Variants in UNCX observed in about 807,000 individuals in gnomAD.
The protein encoded by UNCX is UNC homeobox.
In UNCX, 4 loss-of-function variants were observed where a neutral mutation model predicts 14.8. That is an observed-to-expected ratio of 0.27 (90% CI 0.13 to 0.62). UNCX has a LOEUF of 0.62. UNCX is among the 20% of genes least tolerant of loss of function. The probability of loss-of-function intolerance (pLI) is 0.86; values close to 1 mark genes in which losing one functional copy is unlikely to be tolerated. For missense variants in UNCX, 749 were observed against 786.8 expected (o/e 0.95, Z 0.58); for synonymous variants, 459 against 395.8 (o/e 1.16, Z -1.90).
Position 1,233,444 on chromosome 7 carries a change from G to C in UNCX, c.275-76G>C, listed in dbSNP as rs922425939. On this transcript the variant is annotated intron_variant, in intron 1 of 2. Coordinates refer to ENST00000316333, the MANE Select transcript of UNCX (RefSeq NM_001080461.3). This position sits in a 1 kb window ranked among gnomAD's most constrained non-coding sequence, Gnocchi z 5.3. Reference sequence around the variant, plus strand: ...CCCCCCCCGGATCCAGGCGGCCAGCGGGTAGCGGGAGGGAGGGGTGGGGGT... The same window carrying C: ...CCCCCCCCGGATCCAGGCGGCCAGCCGGTAGCGGGAGGGAGGGGTGGGGGT... 2 of 1,353,320 alleles carry C rather than the reference G, an allele frequency of 1.5e-6. No homozygotes were observed. The highest frequency in any genetic ancestry group is 1.9e-6 in the Non-Finnish European group (2 of 1,051,526). The allele number at this position is 1,353,320 out of a possible 1,614,324, so 83.8% of individuals were successfully genotyped here. A position where few individuals can be genotyped will look rare whatever the true frequency, so the allele number is the denominator to read the frequency against.
At position 1,236,596 on chromosome 7, in the gene UNCX, G is replaced by A. The variant is rs1778747661; in HGVS notation, c.1215G>A (p.Ala405=). 2.1e-5 allele frequency: 24 copies of A among 1,151,526 alleles called. No individual in the cohort carries two copies. The highest frequency in any genetic ancestry group is 2.3e-5 in the Non-Finnish European group (22 of 940,632). 71.3% of individuals were successfully genotyped at this position (1,151,526 alleles called of 1,614,324 possible). ...ALKGGAGLEP[A]PKDAPPAPAV... ...AGGGCGGCGCGGGCCTGGAGCCGGC[G>A]CCCAAGGACGCGCCGCCCGCGCCCG... Residue 405 remains alanine, a synonymous_variant, in exon 3 of 3, where the codon GCG becomes GCA. Coordinates refer to ENST00000316333, the MANE Select transcript of UNCX (RefSeq NM_001080461.3). The surrounding 1 kb of genome is among the most constrained non-coding windows in gnomAD (Gnocchi z 6.9).
Position 1,233,097 on chromosome 7 carries a change from C to A in UNCX, c.80C>A (p.Pro27Gln). Residue 27 changes from proline to glutamine, a missense_variant, in exon 1 of 3, where the codon CCG becomes CAG. Pro to Gln is a moderately conservative substitution (Grantham distance 76). This residue lies in a region of UNCX where 155 missense variants were observed against 166.7 expected (regional missense o/e 0.93). Transcript: ENST00000316333. The surrounding 1 kb of genome is among the most constrained non-coding windows in gnomAD (Gnocchi z 5.3). ...GGCGGCGTGGTGGGCTTCCCCTACC[C>A]GCTGGGCCACCACCACGTGTACGAG... ...SLGGVVGFPYPLGHHHVYELA... is the reference protein window; with the variant it reads ...SLGGVVGFPYQLGHHHVYELA... 1 of 1,458,202 alleles carries A rather than the reference C, an allele frequency of 6.9e-7. No individual in the cohort carries two copies. The highest frequency in any genetic ancestry group is 9.0e-7 in the Non-Finnish European group (1 of 1,107,734). The allele number at this position is 1,458,202 out of a possible 1,614,324, so 90.3% of individuals were successfully genotyped here. A position where few individuals can be genotyped will look rare whatever the true frequency, so the allele number is the denominator to read the frequency against.
Position 1,236,834 on chromosome 7 carries a change from G to GCGCCCCCGC in UNCX, c.1459_1467dup (p.Pro487_Pro489dup). ...CGCGGACGCGGGGACCGCCGGCCCC[G>GCGCCCCCGC]CGCCCCCGCCGCCCGCGCCGTCGCC... On this transcript the variant is annotated inframe_insertion, in exon 3 of 3. Coordinates refer to ENST00000316333, the MANE Select transcript of UNCX (RefSeq NM_001080461.3). The surrounding 1 kb of genome is among the most constrained non-coding windows in gnomAD (Gnocchi z 6.9). The GCGCCCCCGC allele has an allele frequency of 1.0e-6, 1 of 988,676 alleles. No homozygotes were observed. The highest frequency in any genetic ancestry group is 1.2e-6 in the Non-Finnish European group (1 of 834,358). The allele number at this position is 988,676 out of a possible 1,614,324, so 61.2% of individuals were successfully genotyped here. A position where few individuals can be genotyped will look rare whatever the true frequency, so the allele number is the denominator to read the frequency against.
chr7:1,236,866 C>G lies in UNCX; in HGVS notation c.1485C>G (p.Pro495=), dbSNP rs1374528361. Residue 495 remains proline (P), a synonymous_variant, in exon 3 of 3, where the codon CCC becomes CCG. Coordinates refer to ENST00000316333, the MANE Select transcript of UNCX (RefSeq NM_001080461.3). The surrounding 1 kb of genome is among the most constrained non-coding windows in gnomAD (Gnocchi z 6.9). The part of the protein sequence containing the change: ...APPPPAPSPR[P]GPRPPSPAEE... ...CGCCGCCCGCGCCGTCGCCCAGGCC[C>G]GGCCCTCGGCCTCCCAGCCCCGCCG... 1 of 1,048,582 alleles carries G rather than the reference C, an allele frequency of 9.5e-7. No homozygotes were observed. The highest frequency in any genetic ancestry group is 1.1e-6 in the Non-Finnish European group (1 of 872,338). 65.0% of individuals were successfully genotyped at this position (1,048,582 alleles called of 1,614,324 possible).
chr7:1,236,416 G>A lies in UNCX; in HGVS notation c.1035G>A (p.Arg345=), dbSNP rs1347249784. ...ESLLSDSPPR[R]KAASNAAAAA... Reference sequence around the variant, plus strand: ...TCCTGTCCGACTCGCCGCCGCGCCGGAAAGCCGCTTCCAACGCCGCCGCCG... The same window carrying A: ...TCCTGTCCGACTCGCCGCCGCGCCGAAAAGCCGCTTCCAACGCCGCCGCCG... The change falls in exon 3 of 3, where the codon CGG becomes CGA. Residue 345 remains arginine, a synonymous_variant. Coordinates refer to ENST00000316333, the MANE Select transcript of UNCX (RefSeq NM_001080461.3). This position sits in a 1 kb window ranked among gnomAD's most constrained non-coding sequence, Gnocchi z 6.9. 2.9e-6 allele frequency: 4 copies of A among 1,369,732 alleles called. No individual in the cohort carries two copies. The highest frequency in any genetic ancestry group is 3.8e-6 in the Non-Finnish European group (4 of 1,059,148). The allele number at this position is 1,369,732 out of a possible 1,614,324, so 84.8% of individuals were successfully genotyped here.
At chr7:1,234,279 G>A (rs1778702113) in intron 2 of UNCX, among the ~76,000 whole-genome samples, 1 of 152,246 alleles carries the variant, frequency 6.6e-6, no homozygotes, top group African/African-American at 2.4e-5. Context: ...GAGAAAAAAA[G>A]GTGTCTGAAT....
At chr7:1,234,403 A>G (rs1280556870) in intron 2 of UNCX, among the ~76,000 whole-genome samples, 2 of 152,088 alleles carry the variant, frequency 1.3e-5, no homozygotes, top group African/African-American at 4.8e-5. Flanking sequence ...AGCTTGGTGG[A>G]TTAAAAATTC....
At position 1,233,417 on chromosome 7, in the gene UNCX, C is replaced by CCG. The variant is rs1396402118; in HGVS notation, c.275-102_275-101insGC. ...GGCTCCTAGGCGGCCGTCTCTGCGC[C>CCG]CCCCCCCCCGGATCCAGGCGGCCAG... On this transcript the variant is annotated intron_variant, in intron 1 of 2. Transcript: ENST00000316333. This position sits in a 1 kb window ranked among gnomAD's most constrained non-coding sequence, Gnocchi z 5.3. 68 of 1,301,248 alleles carry CCG rather than the reference C, an allele frequency of 5.2e-5. No homozygotes were observed. The highest frequency in any genetic ancestry group is 6.6e-5 in the Non-Finnish European group (67 of 1,019,952). 80.6% of individuals were successfully genotyped at this position (1,301,248 alleles called of 1,614,324 possible). A position where few individuals can be genotyped will look rare whatever the true frequency, so the allele number is the denominator to read the frequency against.
Position 1,236,050 on chromosome 7 carries a change from C to T in UNCX, c.669C>T (p.Gly223=). The change falls in exon 3 of 3, where the codon GGC becomes GGT. Residue 223 remains glycine, a synonymous_variant. Transcript: ENST00000316333. The surrounding 1 kb of genome is among the most constrained non-coding windows in gnomAD (Gnocchi z 6.9). ...AGGGCCGCCACTTGCACTCGCCCGG[C>T]GGCCTGTCCCTGCACAGCGCGCCCA... ...KSQGRHLHSP[G]GLSLHSAPSS... 6.2e-7 allele frequency: 1 copy of T among 1,600,978 alleles called. No homozygotes were observed. Among genetic ancestry groups the T allele is most frequent in the South Asian group, 1.1e-5 (1 of 89,662 alleles).
In UNCX at chr7:1,233,080, G is replaced by T. The variant is rs1312232008; in HGVS notation, c.63G>T (p.Val21=). The T allele has an allele frequency of 2.8e-6, 4 of 1,439,640 alleles. No homozygotes were observed. The highest frequency in any genetic ancestry group is 3.6e-6 in the Non-Finnish European group (4 of 1,096,208). The allele number at this position is 1,439,640 out of a possible 1,614,324, so 89.2% of individuals were successfully genotyped here. ...HAQFGGSLGG[V]VGFPYPLGHH... ...AGTTCGGGGGCTCGCTGGGCGGCGT[G>T]GTGGGCTTCCCCTACCCGCTGGGCC... The change falls in exon 1 of 3, where the codon GTG becomes GTT. Residue 21 remains valine, a synonymous_variant. Transcript: ENST00000316333. This position sits in a 1 kb window ranked among gnomAD's most constrained non-coding sequence, Gnocchi z 5.3.
Position 1,233,553 on chromosome 7 carries a change from G to T in UNCX, c.308G>T (p.Cys103Phe), listed in dbSNP as rs945899449. ...GACCCGGACAAGGAGAGCCCGGGCT[G>T]CAAGCGGCGGCGCACCCGCACCAAC... ...SGDPDKESPG[C>F]KRRRTRTNFT... The change falls in exon 2 of 3, where the codon TGC (cysteine) becomes TTC (phenylalanine). Residue 103 changes from cysteine to phenylalanine, a missense_variant. Physicochemically the swap from Cys to Phe is radical, Grantham distance 205. Coordinates refer to ENST00000316333, the MANE Select transcript of UNCX (RefSeq NM_001080461.3). This position sits in a 1 kb window ranked among gnomAD's most constrained non-coding sequence, Gnocchi z 5.3. 6.2e-7 allele frequency: 1 copy of T among 1,612,802 alleles called. No homozygotes were observed. The highest frequency in any genetic ancestry group is 8.5e-7 in the Non-Finnish European group (1 of 1,179,818).
chr7:1,236,902 C>A lies in UNCX; in HGVS notation c.1521C>A (p.Ala507=), dbSNP rs775253685. 7.8e-6 allele frequency: 9 copies of A among 1,159,490 alleles called. No individual in the cohort carries two copies. The highest frequency in any genetic ancestry group is 4.8e-5 in the Admixed American group (1 of 20,920). 71.8% of individuals were successfully genotyped at this position (1,159,490 alleles called of 1,614,324 possible). The change falls in exon 3 of 3, where the codon GCC becomes GCA. Residue 507 remains alanine (A), a synonymous_variant. Coordinates refer to ENST00000316333, the MANE Select transcript of UNCX (RefSeq NM_001080461.3). This position sits in a 1 kb window ranked among gnomAD's most constrained non-coding sequence, Gnocchi z 6.9. ...PRPPSPAEEP[A]TCGVPEPGAA... ...CTCCCAGCCCCGCCGAGGAGCCGGC[C>A]ACCTGCGGGGTTCCCGAGCCTGGCG... is the stretch of plus-strand genomic sequence containing the variant.
chr7:1,235,280 C>A (rs939610737), intron 2 of UNCX, among the ~76,000 whole-genome samples: 2 of 152,254 alleles, frequency 1.3e-5, no homozygotes, highest in African/African-American at 2.4e-5. Flanking sequence ...GCTCCCCAGG[C>A]CCTTCCGGAC....
At position 1,233,734 on chromosome 7, in the gene UNCX, C is replaced by T. The variant is rs762470717; in HGVS notation, c.450+39C>T. 2 of 1,565,324 alleles carry T rather than the reference C, an allele frequency of 1.3e-6. No individual in the cohort carries two copies. The highest frequency in any genetic ancestry group is 1.7e-6 in the Non-Finnish European group (2 of 1,151,480). On this transcript the variant is annotated intron_variant, in intron 2 of 2. Transcript: ENST00000316333. This position sits in a 1 kb window ranked among gnomAD's most constrained non-coding sequence, Gnocchi z 5.3. ...GTCGCTCCCGGATCTGCCATCCGGA[C>T]CCCAGGCTCTGGGCGCGCCGGGACG...
At position 1,233,116 on chromosome 7, in the gene UNCX, G is replaced by A. The variant is rs1237851754; in HGVS notation, c.99G>A (p.Val33=). Reference sequence around the variant, plus strand: ...CCTACCCGCTGGGCCACCACCACGTGTACGAGCTGGCCGGGCACCAGCTGC... The same window carrying A: ...CCTACCCGCTGGGCCACCACCACGTATACGAGCTGGCCGGGCACCAGCTGC... ...GFPYPLGHHH[V]YELAGHQLQS... The change falls in exon 1 of 3, where the codon GTG becomes GTA. Residue 33 remains valine (V), a synonymous_variant. Coordinates refer to ENST00000316333, the MANE Select transcript of UNCX (RefSeq NM_001080461.3). The surrounding 1 kb of genome is among the most constrained non-coding windows in gnomAD (Gnocchi z 5.3). The A allele has an allele frequency of 1.4e-6, 2 of 1,464,952 alleles. No individual in the cohort carries two copies. The highest frequency in any genetic ancestry group is 1.8e-6 in the Non-Finnish European group (2 of 1,112,040). 90.7% of individuals were successfully genotyped at this position (1,464,952 alleles called of 1,614,324 possible).
chr7:1,234,286 G>C (rs758599413), intron 2 of UNCX, among the ~76,000 whole-genome samples: 1 of 152,236 alleles, frequency 6.6e-6, no homozygotes, highest in Non-Finnish European at 1.5e-5. Context: ...AAAGGTGTCT[G>C]AATTTTTAAT....
At position 1,233,703 on chromosome 7, in the gene UNCX, C is replaced by T. The variant is rs750863357; in HGVS notation, c.450+8C>T. On this transcript the variant is annotated splice_region_variant and intron_variant, in intron 2 of 2. Coordinates refer to ENST00000316333, the MANE Select transcript of UNCX (RefSeq NM_001080461.3). This position sits in a 1 kb window ranked among gnomAD's most constrained non-coding sequence, Gnocchi z 5.3. ...GTCGAGTCCCGAGTTCAGGTAAAGA[C>T]CCGGCGTCGCTCCCGGATCTGCCAT... 6.3e-7 allele frequency: 1 copy of T among 1,585,928 alleles called. No individual in the cohort carries two copies. The highest frequency in any genetic ancestry group is 1.1e-5 in the South Asian group (1 of 89,132).
Position 1,236,478 on chromosome 7 carries a change from C to T in UNCX, c.1097C>T (p.Pro366Leu), listed in dbSNP as rs772469774. Residue 366 changes from proline (P) to leucine (L), a missense_variant, in exon 3 of 3, where the codon CCG (proline) becomes CTG (leucine). By Grantham distance (98) the Pro-to-Leu change is moderately conservative. Around this residue, in one of 3 missense-constraint regions of UNCX, gnomAD observed 552 missense variants for 507.2 expected, o/e 1.09. Transcript: ENST00000316333. This position sits in a 1 kb window ranked among gnomAD's most constrained non-coding sequence, Gnocchi z 6.9. ...AAGLDFAPGL[P>L]CAPRTLIGKG... ...GGGCTGGACTTCGCGCCCGGGCTGCCGTGCGCGCCGCGGACCCTGATCGGC... is the reference window on the plus strand; with the variant it reads ...GGGCTGGACTTCGCGCCCGGGCTGCTGTGCGCGCCGCGGACCCTGATCGGC... 10 of 1,386,074 alleles carry T rather than the reference C, an allele frequency of 7.2e-6. No homozygotes were observed. Among genetic ancestry groups the T allele is most frequent in the South Asian group, 1.4e-5 (1 of 70,356 alleles). 85.9% of individuals were successfully genotyped at this position (1,386,074 alleles called of 1,614,324 possible).
intron 2 of UNCX, among the ~76,000 whole-genome samples, chr7:1,234,067 G>C (rs1166382285): frequency 6.6e-6 from 1 of 150,780 alleles, no homozygotes; most frequent in African/African-American, 2.4e-5. Flanking sequence ...GGAGGAGAGA[G>C]GGAAGGGGAC....
Sources: gnomAD v4.1 joint callset for allele counts (sites outside exome capture counted in the v4.1 genomes callset) on GRCh38, gnomAD v4.1.1 for gene constraint, gnomAD v4.1.1 regional missense constraint, Gnocchi (gnomAD v3.1) non-coding constraint, MANE v1.5 for transcripts, NCBI Gene and HGNC (gene_info 2026-07-23, HGNC 2026-07-21) for gene names.